SPATA1: variants seen among roughly 807,000 people sequenced by gnomAD.
SPATA1 encodes spermatogenesis-associated protein 1.
A neutral mutation model predicts 59.6 loss-of-function variants in SPATA1; 57 were observed. The observed-to-expected ratio is 0.96, with a 90% CI of 0.77 to 1.19. The LOEUF is 1.19. SPATA1 is among the 50% of genes most tolerant of loss of function. The pLI, the probability that SPATA1 is intolerant of heterozygous loss-of-function variation, is 0.00. For synonymous variants in SPATA1, 147 were observed against 163.9 expected (o/e 0.90, Z 0.79); for missense variants, 448 against 480.7 (o/e 0.93, Z 0.64).
At chr1:84,563,141 C>T (rs1684625835) in intron 4 of SPATA1, 1 of 621,486 alleles carries the variant, frequency 1.6e-6, no homozygotes. Flanking sequence ...AAATAGCAGT[C>T]TGCATGTTAT....
At chr1:84,539,246 G>T (rs1041435009) in intron 8 of SPATA1, among the ~76,000 whole-genome samples, 6 of 152,170 alleles carry the variant, frequency 3.9e-5, no homozygotes, top group African/African-American at 1.4e-4. Context: ...ACCATCTTCA[G>T]CAAATAATTG....
At chr1:84,518,282 G>A (rs1190285335) in intron 2 of SPATA1, among the ~76,000 whole-genome samples, 1 of 152,054 alleles carries the variant, frequency 6.6e-6, no homozygotes, top group Non-Finnish European at 1.5e-5. Flanking sequence ...ATATTTCGAG[G>A]ACAATTGGGA....
At chr1:84,547,414 T>A (rs1038485274) in intron 10 of SPATA1, among the ~76,000 whole-genome samples, 1 of 152,186 alleles carries the variant, frequency 6.6e-6, no homozygotes, top group African/African-American at 2.4e-5. Context: ...CTGTTTTAAA[T>A]GCTGGGGATA....
At chr1:84,545,663 G>A in exon 10 of SPATA1, 1 of 1,520,276 alleles carries the variant, frequency 6.6e-7, no homozygotes, top group Non-Finnish European at 8.8e-7. Flanking sequence ...AATGAAACAA[G>A]TAAAGGAAGA....
intron 6 of SPATA1, among the ~76,000 whole-genome samples, chr1:84,529,631 C>A (rs1683380756): frequency 8.0e-6 from 1 of 125,634 alleles, no homozygotes. Flanking sequence ...TGCCAGGCTG[C>A]AGTGCAGTGG....
Position 84,533,779 on chromosome 1 carries a change from A to G in SPATA1, c.717+13A>G. On this transcript the variant is annotated intron_variant, in intron 8 of 12. Transcript: ENST00000490879. ...ACAGGACAATCAGGTACTATTTAAA[A>G]TTTTTTGTTTAAACATGGTATTGCA... is the stretch of plus-strand genomic sequence containing the variant. The G allele has an allele frequency of 6.5e-7, 1 of 1,533,600 alleles. No individual in the cohort carries two copies. The highest frequency in any genetic ancestry group is 1.7e-4 in the Middle Eastern group (1 of 5,944). The allele number at this position is 1,533,600 out of a possible 1,614,324, so 95.0% of individuals were successfully genotyped here.
chr1:84,557,749 T>G (rs1684488496), downstream of SPATA1, among the ~76,000 whole-genome samples: 1 of 150,472 alleles, frequency 6.6e-6, no homozygotes, highest in Non-Finnish European at 1.5e-5. Context: ...TCCCAGCTAC[T>G]TGGGAGGCTA....
chr1:84,564,727 A>G (rs772558114), intron 4 of SPATA1, among the ~76,000 whole-genome samples: 2 of 152,148 alleles, frequency 1.3e-5, no homozygotes, highest in Non-Finnish European at 2.9e-5. Flanking sequence ...CGTAATTTTA[A>G]CAGAATAAGT....
Position 84,548,750 on chromosome 1 carries a change from CTTTTTTTTTTTTTTTTTTT to C in SPATA1, c.947-23_947-5del, listed in dbSNP as rs56250726. 36 of 915,320 alleles carry C rather than the reference CTTTTTTTTTTTTTTTTTTT, an allele frequency of 3.9e-5. No individual in the cohort carries two copies. Among genetic ancestry groups the C allele is most frequent in the Middle Eastern group, 3.3e-4 (1 of 3,072 alleles). 56.7% of individuals were successfully genotyped at this position (915,320 alleles called of 1,614,324 possible). On this transcript the variant is annotated splice_polypyrimidine_tract_variant and intron_variant, in intron 10 of 12. Coordinates refer to ENST00000490879, the Ensembl canonical transcript of SPATA1. Reference sequence around the variant, plus strand: ...TTTAATACTCAAACGAAGGCCTTTCCTTTTTTTTTTTTTTTTTTTTTTTTTTTTTTTATAGCCTACAATG... The same window carrying C: ...TTTAATACTCAAACGAAGGCCTTTCCTTTTTTTTTTTTATAGCCTACAATG...
chr1:84,523,682 G>A (rs550068627), intron 4 of SPATA1, among the ~76,000 whole-genome samples: 10 of 152,026 alleles, frequency 6.6e-5, no homozygotes, highest in South Asian at 2.1e-4. Context: ...TCTTGGGATC[G>A]GTAGTTAAAT....
At chr1:84,524,255 C>G (rs187750141) in intron 4 of SPATA1, among the ~76,000 whole-genome samples, 1 of 152,030 alleles carries the variant, frequency 6.6e-6, no homozygotes, top group East Asian at 1.9e-4. Context: ...GCAGACAACT[C>G]AGAAATAATA....
intron 8 of SPATA1, among the ~76,000 whole-genome samples, chr1:84,540,280 TCTA>T (rs777269074): frequency 6.6e-6 from 1 of 152,174 alleles, no homozygotes; most frequent in African/African-American, 2.4e-5. Context: ...CTGTGTGTCT[TCTA>T]CTATTTATTT....
At chr1:84,511,056 T>C (rs1025146185) in intron 1 of SPATA1, among the ~76,000 whole-genome samples, 5 of 152,106 alleles carry the variant, frequency 3.3e-5, no homozygotes. Context: ...TACAGAAATA[T>C]AAGTTAGATA....
At chr1:84,536,661 G>A (rs1238243008) in intron 8 of SPATA1, among the ~76,000 whole-genome samples, 1 of 152,000 alleles carries the variant, frequency 6.6e-6, no homozygotes, top group Non-Finnish European at 1.5e-5. Flanking sequence ...AGCCAGGATG[G>A]TCTTGATCTC....
chr1:84,542,964 A>G (rs1558607066), intron 8 of SPATA1, among the ~76,000 whole-genome samples: 1 of 152,286 alleles, frequency 6.6e-6, no homozygotes, highest in South Asian at 2.1e-4. Context: ...TTTCCTGTAC[A>G]TATATACCTA....
chr1:84,546,469 A>C (rs573046780), intron 10 of SPATA1, among the ~76,000 whole-genome samples: 3 of 152,098 alleles, frequency 2.0e-5, no homozygotes, highest in Admixed American at 1.3e-4. Flanking sequence ...AAAAAAAAAA[A>C]AAAAAAAAAA....
chr1:84,556,382 A>G (rs1042735373), downstream of SPATA1, among the ~76,000 whole-genome samples: 1 of 152,164 alleles, frequency 6.6e-6, no homozygotes, highest in African/African-American at 2.4e-5. Flanking sequence ...AGTAATATTT[A>G]CAGCAGCACT....
At chr1:84,534,115 A>G (rs1286667934) in intron 8 of SPATA1, among the ~76,000 whole-genome samples, 1 of 152,052 alleles carries the variant, frequency 6.6e-6, no homozygotes, top group Admixed American at 6.6e-5. Flanking sequence ...TTAGAACAGA[A>G]TTATATAGTG....
intron 4 of SPATA1, among the ~76,000 whole-genome samples, chr1:84,565,233 A>G (rs1269616651): frequency 6.6e-6 from 1 of 152,042 alleles, no homozygotes; most frequent in African/African-American, 2.4e-5. Flanking sequence ...ACAAAAGAAC[A>G]AGCAATCTTT....
Sources: gnomAD v4.1 joint callset for allele counts (sites outside exome capture counted in the v4.1 genomes callset) on GRCh38, gnomAD v4.1.1 for gene constraint, MANE v1.5 for transcripts, NCBI Gene and HGNC (gene_info 2026-07-23, HGNC 2026-07-21) for gene names.